Variants in ADAM15 observed in about 807,000 individuals in gnomAD.
ADAM15 encodes the protein ADAM metallopeptidase domain 15, also known as disintegrin and metalloproteinase domain-containing protein 15.
In ADAM15, 77 loss-of-function variants were observed where a neutral mutation model predicts 113.8. The ratio of observed to expected loss-of-function variants is 0.68; its 90% CI spans 0.56 to 0.82. ADAM15 has a LOEUF of 0.82. Among genes scored for constraint, ADAM15 ranks in the 40% least tolerant of loss-of-function variants. The pLI is 0.00. For synonymous variants in ADAM15, 388 were observed against 454.1 expected (o/e 0.85, Z 1.85); for missense variants, 963 against 1,120.1 (o/e 0.86, Z 2.00).
Position 155,061,903 on chromosome 1 carries a change from G to C in ADAM15, c.2353-1G>C. 1 of 1,528,494 alleles carries C rather than the reference G, an allele frequency of 6.5e-7. No homozygotes were observed. Among genetic ancestry groups the C allele is most frequent in the Non-Finnish European group, 8.8e-7 (1 of 1,135,984 alleles). 94.7% of individuals were successfully genotyped at this position (1,528,494 alleles called of 1,614,324 possible). The stretch of plus-strand genomic sequence containing the variant: ...CAGCCACTGCCCCTCTCTCTGTTCA[G>C]GCTGAGCTGGCTGACCGACCCAATC... On this transcript the variant is annotated splice_acceptor_variant, in intron 20 of 22. Transcript: ENST00000356955. LOFTEE classifies it high-confidence loss of function.
At position 155,062,211 on chromosome 1, in the gene ADAM15, C is replaced by A. The variant is rs915928536; in HGVS notation, c.2425-34C>A. The A allele has an allele frequency of 5.3e-5, 76 of 1,446,522 alleles. No individual in the cohort carries two copies. The highest frequency in any genetic ancestry group is 5.1e-4 in the Middle Eastern group (2 of 3,896). The allele number at this position is 1,446,522 out of a possible 1,614,324, so 89.6% of individuals were successfully genotyped here. A position where few individuals can be genotyped will look rare whatever the true frequency, so the allele number is the denominator to read the frequency against. On this transcript the variant is annotated intron_variant, in intron 21 of 22. Transcript: ENST00000356955. The surrounding 1 kb of genome is among the most constrained non-coding windows in gnomAD (Gnocchi z 7.0). ...GGGGGTGGGCAACATGACACCCCCC[C>A]ACCTAAGCCGGCCTCCTGCCTTCTC...
chr1:155,057,827 C>G lies in ADAM15; in HGVS notation c.1417-24C>G, dbSNP rs773093612. Reference sequence around the variant, plus strand: ...CGGCTGGATTTGCTCAGTGCCCACACTGATGCTCATCCACCCTCCACAGCT... The same window carrying G: ...CGGCTGGATTTGCTCAGTGCCCACAGTGATGCTCATCCACCCTCCACAGCT... On this transcript the variant is annotated intron_variant, in intron 13 of 22. Transcript: ENST00000356955. This position sits in a 1 kb window ranked among gnomAD's most constrained non-coding sequence, Gnocchi z 5.0. 4 of 1,612,972 alleles carry G rather than the reference C, an allele frequency of 2.5e-6. 1 individual carries two copies. The South Asian group carries it at 4.4e-5, about 18-fold the overall frequency.
intron 6 of ADAM15, 164 bp from the exon 7 acceptor site, chr1:155,055,626 G>C (rs1661650784): frequency 1.4e-6 from 1 of 690,258 alleles, no homozygotes; most frequent in Admixed American, 2.4e-5. Context: ...GGTCCTCCTT[G>C]GCAAGTTCCT....
chr1:155,062,651 C>G lies in ADAM15; in HGVS notation c.*149C>G. Reference sequence around the variant, plus strand: ...CCGCCACGCGCTGTCAAGCAACACTCTGCGGACCTGCCGGCGTAGTTGCAG... The same window carrying G: ...CCGCCACGCGCTGTCAAGCAACACTGTGCGGACCTGCCGGCGTAGTTGCAG... On this transcript the variant is annotated 3_prime_UTR_variant, in exon 23 of 23. Coordinates refer to ENST00000356955, the MANE Select transcript of ADAM15 (RefSeq NM_207197.3). The surrounding 1 kb of genome is among the most constrained non-coding windows in gnomAD (Gnocchi z 7.0). 8.9e-7 allele frequency: 1 copy of G among 1,126,940 alleles called. No individual in the cohort carries two copies. The allele number at this position is 1,126,940 out of a possible 1,614,324, so 69.8% of individuals were successfully genotyped here. A position where few individuals can be genotyped will look rare whatever the true frequency, so the allele number is the denominator to read the frequency against.
In ADAM15 at chr1:155,062,451, G is replaced by T; in HGVS notation, c.2550-9G>T. 8 of 1,613,174 alleles carry T rather than the reference G, an allele frequency of 5.0e-6. No homozygotes were observed. The highest frequency in any genetic ancestry group is 5.9e-6 in the Non-Finnish European group (7 of 1,179,910). On this transcript the variant is annotated splice_polypyrimidine_tract_variant and intron_variant, in intron 22 of 22. Transcript: ENST00000356955. The surrounding 1 kb of genome is among the most constrained non-coding windows in gnomAD (Gnocchi z 7.0). Reference sequence around the variant, plus strand: ...TCTGACTCTTTTTTCTTGGCTTCCCGCAATCCAGACCAGCGCCACCGCCTC... The same window carrying T: ...TCTGACTCTTTTTTCTTGGCTTCCCTCAATCCAGACCAGCGCCACCGCCTC...
In ADAM15 at chr1:155,056,934, T is replaced by C; in HGVS notation, c.1000-19T>C. ...AGGCAGGCTGGGACTGGACCTACAG[T>C]ACCCCTCCCCAATGACAGGACCACT... is the stretch of plus-strand genomic sequence containing the variant. On this transcript the variant is annotated intron_variant, in intron 10 of 22. Transcript: ENST00000356955. This position sits in a 1 kb window ranked among gnomAD's most constrained non-coding sequence, Gnocchi z 4.0. 1 of 1,540,958 alleles carries C rather than the reference T, an allele frequency of 6.5e-7. No individual in the cohort carries two copies. Among genetic ancestry groups the C allele is most frequent in the Non-Finnish European group, 8.7e-7 (1 of 1,143,134 alleles).
At position 155,062,178 on chromosome 1, in the gene ADAM15, A is replaced by C. The variant is rs1313616125; in HGVS notation, c.2425-67A>C. ...CCCCAAGCTGGTGTTCCCCAGCACC[A>C]GTGCGTTGGGGGTGGGCAACATGAC... is the stretch of plus-strand genomic sequence containing the variant. On this transcript the variant is annotated intron_variant, in intron 21 of 22. Coordinates refer to ENST00000356955, the MANE Select transcript of ADAM15 (RefSeq NM_207197.3). The surrounding 1 kb of genome is among the most constrained non-coding windows in gnomAD (Gnocchi z 7.0). 2 of 1,445,094 alleles carry C rather than the reference A, an allele frequency of 1.4e-6. No individual in the cohort carries two copies. Among genetic ancestry groups the C allele is most frequent in the African/African-American group, 1.4e-5 (1 of 69,502 alleles). 89.5% of individuals were successfully genotyped at this position (1,445,094 alleles called of 1,614,324 possible).
rs759051063 is a variant in ADAM15, at chr1:155,061,828, C to T, written c.2353-76C>T. The T allele has an allele frequency of 3.9e-5, 56 of 1,425,698 alleles. No individual in the cohort carries two copies. In the Middle Eastern group the frequency reaches 2.2e-3, roughly 57 times the overall value. 88.3% of individuals were successfully genotyped at this position (1,425,698 alleles called of 1,614,324 possible). ...GGCTGACTTTGCATGTTGACTTGAA[C>T]CCCTCTGGGGAATCTCTGTGCATGT... On this transcript the variant is annotated intron_variant, in intron 20 of 22. Coordinates refer to ENST00000356955, the MANE Select transcript of ADAM15 (RefSeq NM_207197.3).
chr1:155,056,178 C>G lies in ADAM15; in HGVS notation c.843C>G (p.Leu281=). 6.2e-7 allele frequency: 1 copy of G among 1,614,078 alleles called. No individual in the cohort carries two copies. Among genetic ancestry groups the G allele is most frequent in the South Asian group, 1.1e-5 (1 of 91,084 alleles). Residue 281 remains leucine (L), a synonymous_variant, in exon 9 of 23, where the codon CTC becomes CTG. Transcript: ENST00000356955. This position sits in a 1 kb window ranked among gnomAD's most constrained non-coding sequence, Gnocchi z 4.0. The part of the protein sequence containing the change: ...VEISPNPAVT[L]ENFLHWRRAH... ...TCAGCCCAAACCCAGCTGTCACCCTCGAAAACTTCCTCCACTGGCGCAGGG... is the reference window on the plus strand; with the variant it reads ...TCAGCCCAAACCCAGCTGTCACCCTGGAAAACTTCCTCCACTGGCGCAGGG...
chr1:155,058,071 G>T lies in ADAM15; in HGVS notation c.1637G>T (p.Cys546Phe). 6.2e-7 allele frequency: 1 copy of T among 1,614,170 alleles called. No homozygotes were observed. Among genetic ancestry groups the T allele is most frequent in the Non-Finnish European group, 8.5e-7 (1 of 1,180,030 alleles). ...GGAGCCCAGCCCGCTGCGCCACTTTGCCTCCAGACAGCTAATACTCGGGGA... is the reference window on the plus strand; with the variant it reads ...GGAGCCCAGCCCGCTGCGCCACTTTTCCTCCAGACAGCTAATACTCGGGGA... Reference protein sequence around the residue: ...GPGAQPAAPLCLQTANTRGNA... With the variant: ...GPGAQPAAPLFLQTANTRGNA... The change falls in exon 14 of 23, where the codon TGC becomes TTC. Residue 546 changes from cysteine (C) to phenylalanine (F), a missense_variant. Transcript: ENST00000356955. This position sits in a 1 kb window ranked among gnomAD's most constrained non-coding sequence, Gnocchi z 4.3.
rs1213757006 is a variant in ADAM15, at chr1:155,056,959, T to TC, written c.1008dup (p.Thr337HisfsTer13). ...TACCCCTCCCCAATGACAGGACCAC[T>TC]CCACCAGCATCCTGGGAGTCGCCTC... On this transcript the variant is annotated frameshift_variant, in exon 11 of 23. Coordinates refer to ENST00000356955, the MANE Select transcript of ADAM15 (RefSeq NM_207197.3). LOFTEE classifies it high-confidence loss of function. This position sits in a 1 kb window ranked among gnomAD's most constrained non-coding sequence, Gnocchi z 4.0. The TC allele has an allele frequency of 6.4e-7, 1 of 1,560,032 alleles. No individual in the cohort carries two copies. Among genetic ancestry groups the TC allele is most frequent in the Non-Finnish European group, 8.7e-7 (1 of 1,154,544 alleles).
rs944296313 is a variant in ADAM15 at position 155,055,785 on chromosome 1, A to G, written c.613-5A>G. The G allele has an allele frequency of 6.2e-6, 10 of 1,614,022 alleles. No homozygotes were observed. Among genetic ancestry groups the G allele is most frequent in the Non-Finnish European group, 8.5e-6 (10 of 1,180,036 alleles). On this transcript the variant is annotated splice_region_variant and splice_polypyrimidine_tract_variant and intron_variant, in intron 6 of 22. Transcript: ENST00000356955. ...TTGCCTGATAATTCTTCTTGTCCATAGTAGAGGCGGGATGTGGTAACAGAG... is the reference window on the plus strand; with the variant it reads ...TTGCCTGATAATTCTTCTTGTCCATGGTAGAGGCGGGATGTGGTAACAGAG...
chr1:155,060,419 C>T, intron 18 of ADAM15, 76 bp downstream of exon 18: 1 of 1,580,124 alleles, frequency 6.3e-7, no homozygotes, highest in Non-Finnish European at 8.6e-7. Flanking sequence ...TCTGCAGCCC[C>T]TGCCACCTGG....
intron 6 of ADAM15, 26 bp from the exon 7 acceptor site, chr1:155,055,764 C>T: frequency 6.2e-7 from 1 of 1,613,998 alleles, no homozygotes; most frequent in South Asian, 1.1e-5. Context: ...GCAGGTTTGC[C>T]TGATAATTCT....
At chr1:155,055,126 G>A (rs898729247) in intron 6 of ADAM15, among the ~76,000 whole-genome samples, 2 of 152,062 alleles carry the variant, frequency 1.3e-5, no homozygotes, top group African/African-American at 2.4e-5. Context: ...TAGAGTTGCT[G>A]GGAAGATTAA....
chr1:155,060,140 C>T (rs530723776), intron 17 of ADAM15, 65 bp from the exon 18 acceptor site: 17 of 1,598,942 alleles, frequency 1.1e-5, no homozygotes, highest in Non-Finnish European at 1.4e-5. Context: ...CTCCCTGCCC[C>T]CTGCGCCTTC....
Position 155,061,506 on chromosome 1 carries a change from GC to G in ADAM15, c.2352+20del, listed in dbSNP as rs1196464492. On this transcript the variant is annotated intron_variant, in intron 20 of 22. Transcript: ENST00000356955. ...AGACTCCAGGTAAATCTGGGCCAGG[GC>G]CCGCCCTGAGCCAAGGCAGGTGGGA... is the stretch of plus-strand genomic sequence containing the variant. 3 of 1,611,890 alleles carry G rather than the reference GC, an allele frequency of 1.9e-6. No individual in the cohort carries two copies. In the African/African-American group the frequency reaches 4.0e-5, roughly 22 times the overall value.
chr1:155,054,615 T>C, intron 6 of ADAM15, 109 bp downstream of exon 6: 3 of 1,225,864 alleles, frequency 2.4e-6, no homozygotes, highest in Non-Finnish European at 3.3e-6. Flanking sequence ...TGGAGCACTT[T>C]CCACATGCTG....
chr1:155,056,884 G>A lies in ADAM15; in HGVS notation c.1000-69G>A. 1 of 1,511,834 alleles carries A rather than the reference G, an allele frequency of 6.6e-7. No individual in the cohort carries two copies. The highest frequency in any genetic ancestry group is 8.9e-7 in the Non-Finnish European group (1 of 1,129,302). 93.7% of individuals were successfully genotyped at this position (1,511,834 alleles called of 1,614,324 possible). On this transcript the variant is annotated intron_variant, in intron 10 of 22. Transcript: ENST00000356955. This position sits in a 1 kb window ranked among gnomAD's most constrained non-coding sequence, Gnocchi z 4.0. Reference sequence around the variant, plus strand: ...CAGACGTGGAGGGAACAGGAGCAGAGAGGGTGGTCTGGGCATTGTGGTGGA... The same window carrying A: ...CAGACGTGGAGGGAACAGGAGCAGAAAGGGTGGTCTGGGCATTGTGGTGGA...
Sources: gnomAD v4.1 joint callset for allele counts (sites outside exome capture counted in the v4.1 genomes callset) on GRCh38, gnomAD v4.1.1 for gene constraint, Gnocchi (gnomAD v3.1) non-coding constraint, MANE v1.5 for transcripts, NCBI Gene and HGNC (gene_info 2026-07-23, HGNC 2026-07-21) for gene names.